TTN: variants seen among roughly 807,000 people sequenced by gnomAD.
TTN encodes the protein connectin.
In TTN, 1,525 loss-of-function variants were observed where a neutral mutation model predicts 3,223.0. The ratio of observed to expected loss-of-function variants is 0.47; its 90% confidence interval spans 0.45 to 0.49. TTN has a LOEUF of 0.49. Ranked by LOEUF, TTN falls within the 20% of genes least tolerant of loss-of-function variation. The pLI is 0.00. For synonymous variants in TTN, 14,094 were observed against 15,161.0 expected (o/e 0.93, Z 5.17); for missense variants, 40,786 against 43,424.0 (o/e 0.94, Z 5.40).
Position 178,757,929 on chromosome 2 carries a change from A to C in TTN, c.10304-13T>G. 1 of 1,514,540 alleles carries C rather than the reference A, an allele frequency of 6.6e-7. No individual in the cohort carries two copies. Among genetic ancestry groups the C allele is most frequent in the South Asian group, 1.4e-5 (1 of 73,020 alleles). 93.8% of individuals were successfully genotyped at this position (1,514,540 alleles called of 1,614,324 possible). On this transcript the variant is annotated splice_polypyrimidine_tract_variant and intron_variant, in intron 44 of 362. Transcript: ENST00000589042. Reference sequence around the variant, plus strand: ...AATTTGCTAAATCCTGAAAAGAAGCATACCAATTTTTAATGTCTTACCTTG... The same window carrying C: ...AATTTGCTAAATCCTGAAAAGAAGCCTACCAATTTTTAATGTCTTACCTTG...
intron 265 of TTN, 30 bp from the exon 266 acceptor site, chr2:178,612,606 T>A (rs746381599): frequency 5.8e-6 from 3 of 519,056 alleles, no homozygotes; most frequent in Non-Finnish European, 4.6e-6. Context: ...AACAAATTCA[T>A]TTTTTTTTTT....
intron 143 of TTN, 45 bp downstream of exon 143, chr2:178,678,702 T>C (rs72650046): frequency 6.4e-7 from 1 of 1,564,740 alleles, no homozygotes; most frequent in Admixed American, 1.8e-5. Flanking sequence ...TTTACCCATA[T>C]GCAAATGTGA....
In TTN at chr2:178,615,748, T is replaced by C. The variant is rs376273101; in HGVS notation, c.48353A>G (p.Asp16118Gly). 8.2e-5 allele frequency: 132 copies of C among 1,612,042 alleles called. No homozygotes were observed. The East Asian group carries it at 1.5e-3, about 18-fold the overall frequency. ...TAAGTACTCTTTTCCTTGAACAAGATCAGGAACTGTGAATTCTAGATCAGT... is the reference window on the plus strand; with the variant it reads ...TAAGTACTCTTTTCCTTGAACAAGACCAGGAACTGTGAATTCTAGATCAGT... ...FVTDLEFTVPDLVQGKEYLFK... is the reference protein window; with the variant it reads ...FVTDLEFTVPGLVQGKEYLFK... The change falls in exon 258 of 363, where the codon GAT (aspartate) becomes GGT (glycine). Residue 16118 changes from aspartate to glycine, a missense_variant. Asp to Gly is a moderately conservative substitution (Grantham distance 94). Coordinates refer to ENST00000589042, the MANE Select transcript of TTN (RefSeq NM_001267550.2).
rs1296646228 is a variant in TTN, at chr2:178,570,631, G to A, written c.75501C>T (p.Thr25167=). Residue 25167 remains threonine (T), a synonymous_variant, in exon 326 of 363, where the codon ACC becomes ACT. Coordinates refer to ENST00000589042, the MANE Select transcript of TTN (RefSeq NM_001267550.2). ...GTACTGCATCTTTTACACTGAGACTGGTGGCAAAGTCGGTGCTCTTTATTT... is the reference window on the plus strand; with the variant it reads ...GTACTGCATCTTTTACACTGAGACTAGTGGCAAAGTCGGTGCTCTTTATTT... ...RLEIKSTDFA[T]SLSVKDAVRV... is the part of the protein sequence containing the mutation. 2 of 1,613,472 alleles carry A rather than the reference G, an allele frequency of 1.2e-6. No individual in the cohort carries two copies. Among genetic ancestry groups the A allele is most frequent in the Non-Finnish European group, 8.5e-7 (1 of 1,179,630 alleles).
intron 308 of TTN, among the ~76,000 whole-genome samples, chr2:178,585,755 A>G (rs755201734): frequency 2.0e-5 from 3 of 152,106 alleles, no homozygotes; most frequent in Non-Finnish European, 4.4e-5. Context: ...ATGTCCCTGC[A>G]AAGGACATGA....
rs1444407818 is a variant in TTN at position 178,767,874 on chromosome 2, G to A, written c.9356C>T (p.Thr3119Ile). The change falls in exon 40 of 363, where the codon ACC becomes ATC. Residue 3119 changes from threonine to isoleucine, a missense_variant. Coordinates refer to ENST00000589042, the MANE Select transcript of TTN (RefSeq NM_001267550.2). ...KYVHRLLIPS[T>I]RMSDAGKYTV... ...GTACTTCCCAGCATCAGACATCCGG[G>A]TGGATGGGATCAGAAGGCGGTGGAC... 1 of 1,614,112 alleles carries A rather than the reference G, an allele frequency of 6.2e-7. No homozygotes were observed. The highest frequency in any genetic ancestry group is 8.5e-7 in the Non-Finnish European group (1 of 1,180,018).
rs1412315320 is a variant in TTN, at chr2:178,588,784, T to G, written c.62941A>C (p.Thr20981Pro). ...EVTKVSKEEM[T>P]VVWNPPEYDG... ...TATTCAGGTGGATTCCAAACCACAG[T>G]CATCTCTTCTTTGCTTACTTTAGTG... Residue 20981 changes from threonine to proline, a missense_variant, in exon 304 of 363, where the codon ACT becomes CCT. Transcript: ENST00000589042. 2 of 1,613,344 alleles carry G rather than the reference T, an allele frequency of 1.2e-6. No individual in the cohort carries two copies. Among genetic ancestry groups the G allele is most frequent in the Non-Finnish European group, 8.5e-7 (1 of 1,179,588 alleles).
Position 178,698,929 on chromosome 2 carries a change from A to G in TTN, c.30683-15T>C. The stretch of plus-strand genomic sequence containing the variant: ...CTTTTTGGTAACTAAAAAAAAAAAA[A>G]AAGAAAAAAAAAGAAAAAATATTTC... On this transcript the variant is annotated splice_polypyrimidine_tract_variant and intron_variant, in intron 111 of 362. Coordinates refer to ENST00000589042, the MANE Select transcript of TTN (RefSeq NM_001267550.2). 2.0e-6 allele frequency: 3 copies of G among 1,492,052 alleles called. No homozygotes were observed. The highest frequency in any genetic ancestry group is 1.8e-6 in the Non-Finnish European group (2 of 1,128,938). The allele number at this position is 1,492,052 out of a possible 1,614,324, so 92.4% of individuals were successfully genotyped here. A position where few individuals can be genotyped will look rare whatever the true frequency, so the allele number is the denominator to read the frequency against.
rs2075204317 is a variant in TTN at position 178,702,618 on chromosome 2, C to T, written c.30269G>A (p.Ser10090Asn). 3.7e-6 allele frequency: 6 copies of T among 1,613,858 alleles called. No individual in the cohort carries two copies. Among genetic ancestry groups the T allele is most frequent in the Non-Finnish European group, 4.2e-6 (5 of 1,179,878 alleles). The change falls in exon 107 of 363, where the codon AGT becomes AAT. Residue 10090 changes from serine (S) to asparagine (N), a missense_variant. Ser to Asn is a conservative substitution (Grantham distance 46). Coordinates refer to ENST00000589042, the MANE Select transcript of TTN (RefSeq NM_001267550.2). The stretch of plus-strand genomic sequence containing the variant: ...CTCAAAGGTGGCAGACTGATGCTCA[C>T]TCACCACGATGTTCTGTATGCGCTT... ...FTKRIQNIVV[S>N]EHQSATFECE...
Position 178,573,703 on chromosome 2 carries a change from T to C in TTN, c.72429A>G (p.Ser24143=), listed in dbSNP as rs1177631545. Residue 24143 remains serine (S), a synonymous_variant, in exon 326 of 363, where the codon TCA becomes TCG. Coordinates refer to ENST00000589042, the MANE Select transcript of TTN (RefSeq NM_001267550.2). ...TEVTSEKCVL[S]WFPPLDDGGA... Reference sequence around the variant, plus strand: ...CTCCATCATCCAGTGGAGGGAACCATGATAGTACACACTTTTCTGATGTCA... The same window carrying C: ...CTCCATCATCCAGTGGAGGGAACCACGATAGTACACACTTTTCTGATGTCA... 1 of 1,539,196 alleles carries C rather than the reference T, an allele frequency of 6.5e-7. No individual in the cohort carries two copies. Among genetic ancestry groups the C allele is most frequent in the Non-Finnish European group, 8.7e-7 (1 of 1,144,442 alleles).
chr2:178,740,056 ATCTCTGC>A lies in TTN; in HGVS notation c.13170_13176del (p.Glu4390AspfsTer2). On this transcript the variant is annotated frameshift_variant, in exon 48 of 363. Coordinates refer to ENST00000589042, the MANE Select transcript of TTN (RefSeq NM_001267550.2). LOFTEE classifies it high-confidence loss of function. ...CGGCAGATTTGAATTTTCAGGTTTA[ATCTCTGC>A]TCTTCTGGAATACCAGAAAGCAAGC... 6.2e-7 allele frequency: 1 copy of A among 1,613,832 alleles called. No individual in the cohort carries two copies. The highest frequency in any genetic ancestry group is 8.5e-7 in the Non-Finnish European group (1 of 1,179,832).
In TTN at chr2:178,567,034, T is replaced by C. The variant is rs1249161319; in HGVS notation, c.79098A>G (p.Lys26366=). ...EYVFRIMAVN[K]YGVGEPLESA... is the part of the protein sequence containing the mutation. ...ATTCCAAAGGCTCTCCAACACCATATTTGTTGACAGCCATTATACGGAAAA... is the reference window on the plus strand; with the variant it reads ...ATTCCAAAGGCTCTCCAACACCATACTTGTTGACAGCCATTATACGGAAAA... Residue 26366 remains lysine, a synonymous_variant, in exon 326 of 363, where the codon AAA becomes AAG. Coordinates refer to ENST00000589042, the MANE Select transcript of TTN (RefSeq NM_001267550.2). 1.9e-6 allele frequency: 3 copies of C among 1,613,632 alleles called. No individual in the cohort carries two copies. The highest frequency in any genetic ancestry group is 2.5e-6 in the Non-Finnish European group (3 of 1,179,648).
Position 178,600,722 on chromosome 2 carries a change from T to C in TTN, c.56050+132A>G, listed in dbSNP as rs974230970. 20 of 1,012,506 alleles carry C rather than the reference T, an allele frequency of 2.0e-5. No individual in the cohort carries two copies. In the African/African-American group the frequency reaches 2.7e-4, roughly 14 times the overall value. 62.7% of individuals were successfully genotyped at this position (1,012,506 alleles called of 1,614,324 possible). On this transcript the variant is annotated intron_variant, in intron 288 of 362. Transcript: ENST00000589042. ...TGAAGGAATGAGTAATTAAGTAATG[T>C]GCCCATGTCTACATTCAAGCCATAG... is the stretch of plus-strand genomic sequence containing the variant.
In TTN at chr2:178,777,914, G is replaced by T. The variant is rs772479207; in HGVS notation, c.4270C>A (p.Pro1424Thr). The T allele has an allele frequency of 1.2e-5, 19 of 1,613,798 alleles. No homozygotes were observed. The highest frequency in any genetic ancestry group is 1.6e-5 in the Non-Finnish European group (19 of 1,179,912). The part of the protein sequence containing the change: ...PIRMSPARMS[P>T]ARMSPARMSP... ...ATCCGTGCAGGAGACATCCTTGCAG[G>T]TGACATCCGTGCAGGAGACATGCGT... Residue 1424 changes from proline to threonine, a missense_variant, in exon 25 of 363, where the codon CCT (proline) becomes ACT (threonine). Physicochemically the swap from Pro to Thr is conservative, Grantham distance 38. Coordinates refer to ENST00000589042, the MANE Select transcript of TTN (RefSeq NM_001267550.2).
chr2:178,612,021 T>G, intron 267 of TTN, 36 bp downstream of exon 267: 1 of 1,602,660 alleles, frequency 6.2e-7, no homozygotes, highest in African/African-American at 1.3e-5. Context: ...TGCAGCCAAG[T>G]GTAAGTTATT....
chr2:178,611,967 C>T lies in TTN; in HGVS notation c.50355-13G>A, dbSNP rs1197895574. ...CTCAATGACATATCTATTGAAACAA[C>T]AAAGCATTTCATTAGCATTAATGAA... is the stretch of plus-strand genomic sequence containing the variant. On this transcript the variant is annotated splice_polypyrimidine_tract_variant and intron_variant, in intron 267 of 362. Transcript: ENST00000589042. The T allele has an allele frequency of 6.2e-7, 1 of 1,607,950 alleles. No homozygotes were observed. Among genetic ancestry groups the T allele is most frequent in the Non-Finnish European group, 8.5e-7 (1 of 1,178,120 alleles).
rs2065625146 is a variant in TTN, at chr2:178,664,867, G to A, written c.36103C>T (p.Pro12035Ser). 2 of 1,611,408 alleles carry A rather than the reference G, an allele frequency of 1.2e-6. No homozygotes were observed. The highest frequency in any genetic ancestry group is 2.2e-5 in the East Asian group (1 of 44,844). ...TGACTTGTACCTTTAACTGATGGGG[G>A]TTCTCTTTTTTTGGAAGGAACTGTC... is the stretch of plus-strand genomic sequence containing the variant. ...AKTVPSKKRE[P>S]PSVKVPEALQ... Residue 12035 changes from proline (P) to serine (S), a missense_variant, in exon 166 of 363, where the codon CCC becomes TCC. Transcript: ENST00000589042.
chr2:178,785,992 G>A lies in TTN; in HGVS notation c.2226C>T (p.Ser742=), dbSNP rs151025677. The change falls in exon 14 of 363, where the codon TCC becomes TCT. Residue 742 remains serine (S), a synonymous_variant. Transcript: ENST00000589042. ...GGGGAGGCTCAGCTACCTTTGCGGC[G>A]GAAATGCGTTCCTTATATCCGTACT... ...TLEYGYKERI[S]AAKVAEPPQR... is the part of the protein sequence containing the mutation. 7.0e-5 allele frequency: 113 copies of A among 1,613,938 alleles called. No homozygotes were observed. The highest frequency in any genetic ancestry group is 1.3e-4 in the African/African-American group (10 of 74,892).
intron 207 of TTN, 42 bp downstream of exon 207, chr2:178,651,411 G>A (rs776141718): frequency 1.2e-6 from 2 of 1,601,116 alleles, no homozygotes; most frequent in Non-Finnish European, 8.5e-7. Flanking sequence ...AGAAGCTGGG[G>A]GCTCCATCCG....
Sources: allele counts gnomAD v4.1 joint callset (sites outside exome capture counted in the v4.1 genomes callset), GRCh38; gene constraint gnomAD v4.1.1; transcripts MANE v1.5; gene names NCBI Gene and HGNC (gene_info 2026-07-23, HGNC 2026-07-21).